EGFR: variants seen among roughly 807,000 people sequenced by gnomAD.
EGFR encodes epidermal growth factor receptor.
A neutral mutation model predicts 143.0 loss-of-function variants in EGFR; 58 were observed. That is an observed-to-expected ratio of 0.41 (90% CI 0.33 to 0.50). The LOEUF (loss-of-function observed/expected upper bound fraction) is 0.50. EGFR is among the 20% of genes least tolerant of loss of function. EGFR has a pLI of 0.39. For missense variants in EGFR, 1,307 were observed against 1,579.0 expected, an observed-to-expected ratio of 0.83 and a Z score of 2.92; for synonymous variants, 613 against 594.4, an observed-to-expected ratio of 1.03 and a Z score of -0.45.
intron 1 of EGFR, among the ~76,000 whole-genome samples, chr7:55,099,113 C>G (rs1791651973): frequency 6.6e-6 from 1 of 152,224 alleles, no homozygotes; most frequent in Non-Finnish European, 1.5e-5. Context: ...TGTGTGCTCT[C>G]TCGTATCTCT....
chr7:55,162,403 A>G (rs1421147999), intron 13 of EGFR, among the ~76,000 whole-genome samples: 1 of 152,250 alleles, frequency 6.6e-6, no homozygotes, highest in Non-Finnish European at 1.5e-5. Flanking sequence ...ATCCAGAAAT[A>G]TTTAGGAGCA....
At chr7:55,149,682 AAG>A (rs1562759550) in intron 4 of EGFR, among the ~76,000 whole-genome samples, 1 of 152,230 alleles carries the variant, frequency 6.6e-6, no homozygotes, top group East Asian at 1.9e-4. Context: ...ATAAGAGAAA[AAG>A]AAATAATGAA....
In EGFR at chr7:55,209,547, T is replaced by C. The variant is rs1309105982; in HGVS notation, c.*3930T>C. ...ACACCTGTTGAAATTGCCCTCAATG[T>C]CTACTCTGCATTTCTTTCTTGTGAT... is the stretch of plus-strand genomic sequence containing the variant. On this transcript the variant is annotated 3_prime_UTR_variant, in exon 28 of 28. Coordinates refer to ENST00000275493, the MANE Select transcript of EGFR (RefSeq NM_005228.5). 2.0e-5 allele frequency: 3 copies of C among 152,182 alleles called. No homozygotes were observed. The highest frequency in any genetic ancestry group is 4.4e-5 in the Non-Finnish European group (3 of 68,044). 9.4% of individuals were successfully genotyped at this position (152,182 alleles called of 1,614,324 possible).
At chr7:55,202,256 T>C (rs1046122877) in intron 26 of EGFR, among the ~76,000 whole-genome samples, 1 of 152,236 alleles carries the variant, frequency 6.6e-6, no homozygotes, top group South Asian at 2.1e-4. Flanking sequence ...ACGTGGCTAG[T>C]GGTGACCGTA....
chr7:55,097,167 G>A (rs973431201), intron 1 of EGFR, among the ~76,000 whole-genome samples: 3 of 152,250 alleles, frequency 2.0e-5, no homozygotes, highest in East Asian at 1.9e-4. Context: ...CCAGTTCCAC[G>A]GCCCAGGAAT....
Position 55,127,227 on chromosome 7 carries a change from A to C in EGFR, c.89-15059A>C, listed in dbSNP as rs557474670. ...CAAGCATAAAATCACAATTCCAGATAATTCTGTCACAAAGATCTGGGTCTC... is the reference window on the plus strand; with the variant it reads ...CAAGCATAAAATCACAATTCCAGATCATTCTGTCACAAAGATCTGGGTCTC... On this transcript the variant is annotated intron_variant, in intron 1 of 27. Coordinates refer to ENST00000275493, the MANE Select transcript of EGFR (RefSeq NM_005228.5). Among the ~76,000 whole-genome samples the C allele has an allele frequency of 3.6e-4, 55 of 152,306 alleles. 1 individual carries two copies. The highest frequency in any genetic ancestry group is 7.4e-5 in the Non-Finnish European group (5 of 68,026).
intron 1 of EGFR, among the ~76,000 whole-genome samples, chr7:55,083,688 T>C (rs1182108544): frequency 6.6e-6 from 1 of 152,124 alleles, no homozygotes; most frequent in East Asian, 1.9e-4. Context: ...TTTTTCTTCC[T>C]GAAAAAAAAT....
In EGFR at chr7:55,206,998, T is replaced by TTC. The variant is rs1426957642; in HGVS notation, c.*1385_*1386dup. 8.6e-6 allele frequency: 2 copies of TTC among 232,988 alleles called. No homozygotes were observed. Among genetic ancestry groups the TTC allele is most frequent in the African/African-American group, 4.4e-5 (2 of 45,336 alleles). The allele number at this position is 232,988 out of a possible 1,614,324, so 14.4% of individuals were successfully genotyped here. A position where few individuals can be genotyped will look rare whatever the true frequency, so the allele number is the denominator to read the frequency against. ...GAAAAAAGTTCCTTCCTAAAATAAT[T>TTC]TCTCTACAATTGGAAGATTGGAAGA... On this transcript the variant is annotated 3_prime_UTR_variant, in exon 28 of 28. Transcript: ENST00000275493.
chr7:55,022,052 G>A (rs1467104094), intron 1 of EGFR, among the ~76,000 whole-genome samples: 6 of 152,152 alleles, frequency 3.9e-5, no homozygotes, highest in South Asian at 2.1e-4. Context: ...GGCTCATGAC[G>A]ATGAGCCTGT....
Position 55,156,985 on chromosome 7 carries a change from T to C in EGFR, c.1207+153T>C. ...GTTTTGATATTTTTCAAAAGTGCAG[T>C]TTCTCCTGCAGGCAAAAGGGGACAC... On this transcript the variant is annotated intron_variant, in intron 10 of 27. Transcript: ENST00000275493. The C allele has an allele frequency of 2.0e-6, 3 of 1,503,598 alleles. No individual in the cohort carries two copies. In the Admixed American group the frequency reaches 6.2e-5, roughly 31 times the overall value. 93.1% of individuals were successfully genotyped at this position (1,503,598 alleles called of 1,614,324 possible). A position where few individuals can be genotyped will look rare whatever the true frequency, so the allele number is the denominator to read the frequency against.
At chr7:55,042,737 A>G (rs1019784909) in intron 1 of EGFR, among the ~76,000 whole-genome samples, 10 of 152,166 alleles carry the variant, frequency 6.6e-5, no homozygotes, top group African/African-American at 2.2e-4. Context: ...GAGTAAAATA[A>G]TGATAACAGG....
chr7:55,189,665 G>A (rs1787301030), intron 20 of EGFR, among the ~76,000 whole-genome samples: 1 of 152,206 alleles, frequency 6.6e-6, no homozygotes, highest in Non-Finnish European at 1.5e-5. Context: ...GGACTTGTGT[G>A]TGGCTCTTTA....
intron 1 of EGFR, among the ~76,000 whole-genome samples, chr7:55,093,129 A>G (rs781253924): frequency 6.6e-6 from 1 of 152,126 alleles, no homozygotes; most frequent in Non-Finnish European, 1.5e-5. Context: ...GATTTCCTTA[A>G]CTGACATCTA....
intron 20 of EGFR, among the ~76,000 whole-genome samples, chr7:55,184,486 T>C (rs1157344703): frequency 2.6e-5 from 4 of 152,194 alleles, no homozygotes; most frequent in Admixed American, 2.6e-4. Context: ...ATTAGCCTTC[T>C]ACAAACGAAT....
At chr7:55,165,153 T>C in intron 14 of EGFR, 127 bp from the exon 15 acceptor site, 2 of 1,369,400 alleles carry the variant, frequency 1.5e-6, no homozygotes, top group East Asian at 2.5e-5. Context: ...TTTTCTCCTT[T>C]AAGAATTTTT....
At chr7:55,147,632 C>A (rs1025291166) in intron 4 of EGFR, among the ~76,000 whole-genome samples, 1 of 152,116 alleles carries the variant, frequency 6.6e-6, no homozygotes. Context: ...GCCCGTAATA[C>A]AAGATTTTCC....
chr7:55,086,355 T>C (rs1191656682), intron 1 of EGFR, among the ~76,000 whole-genome samples: 1 of 100,414 alleles, frequency 1.0e-5, no homozygotes, highest in Admixed American at 9.1e-5. Context: ...GTTATTTTGC[T>C]CCCTTTCCCT....
chr7:55,045,666 T>C (rs1279121266), intron 1 of EGFR, among the ~76,000 whole-genome samples: 1 of 152,248 alleles, frequency 6.6e-6, no homozygotes, highest in Non-Finnish European at 1.5e-5. Context: ...AGTGTCAACA[T>C]GATGGCACCT....
rs2128939672 is a variant in EGFR at position 55,157,702 on chromosome 7, A to T, written c.1247A>T (p.Asp416Val). 1 of 1,614,202 alleles carries T rather than the reference A, an allele frequency of 6.2e-7. No homozygotes were observed. The highest frequency in any genetic ancestry group is 8.5e-7 in the Non-Finnish European group (1 of 1,180,032). ...CAGGCTTGGCCTGAAAACAGGACGGACCTCCATGCCTTTGAGAACCTAGAA... is the reference window on the plus strand; with the variant it reads ...CAGGCTTGGCCTGAAAACAGGACGGTCCTCCATGCCTTTGAGAACCTAGAA... The part of the protein sequence containing the change: ...LIQAWPENRT[D>V]LHAFENLEII... The change falls in exon 11 of 28, where the codon GAC becomes GTC. Residue 416 changes from aspartate to valine, a missense_variant. Asp to Val is a radical substitution (Grantham distance 152). Transcript: ENST00000275493.
Sources: allele counts gnomAD v4.1 joint callset (sites outside exome capture counted in the v4.1 genomes callset), GRCh38; gene constraint gnomAD v4.1.1; transcripts MANE v1.5; gene names NCBI Gene and HGNC (gene_info 2026-07-23, HGNC 2026-07-21).